Variants in PCNT observed in about 807,000 individuals in gnomAD.
The protein encoded by PCNT is pericentrin, also known as kendrin.
PCNT carries 319 observed loss-of-function variants against 380.4 expected under a neutral mutation model. The observed-to-expected ratio is 0.84, with a 90% CI of 0.77 to 0.92. The LOEUF is 0.92. PCNT is among the 40% of genes least tolerant of loss of function. The probability of loss-of-function intolerance (pLI) is 0.00; values close to 1 mark genes in which losing one functional copy is unlikely to be tolerated. For missense variants in PCNT, 4,400 were observed against 4,255.3 expected (o/e 1.03, Z -0.95); for synonymous variants, 1,845 against 1,735.2 (o/e 1.06, Z -1.57).
rs543592076 is a variant in PCNT, at chr21:46,422,070, T to G, written c.7125T>G (p.Phe2375Leu). The G allele has an allele frequency of 6.2e-7, 1 of 1,613,948 alleles. No individual in the cohort carries two copies. Among genetic ancestry groups the G allele is most frequent in the South Asian group, 1.1e-5 (1 of 91,078 alleles). Residue 2375 changes from phenylalanine to leucine, a missense_variant, in exon 32 of 47, where the codon TTT (phenylalanine) becomes TTG (leucine). Physicochemically the swap from Phe to Leu is conservative, Grantham distance 22. Transcript: ENST00000359568. Reference sequence around the variant, plus strand: ...CCCCTGCTTCCATCTCTGGAAGGTTTCAGCCGCTGCCGGAAGCCATGAAGG... The same window carrying G: ...CCCCTGCTTCCATCTCTGGAAGGTTGCAGCCGCTGCCGGAAGCCATGAAGG... Reference protein sequence around the residue: ...PVTPASISGRFQPLPEAMKEK... With the variant: ...PVTPASISGRLQPLPEAMKEK...
Position 46,349,836 on chromosome 21 carries a change from G to C in PCNT, c.1344+16G>C, listed in dbSNP as rs773538856. 3.7e-6 allele frequency: 6 copies of C among 1,612,678 alleles called. No individual in the cohort carries two copies. The East Asian group carries it at 1.1e-4, about 30-fold the overall frequency. ...ACAGCTGGAGGTGGGCAGCAGCTTC[G>C]TTATTTAATTACTTGGTATATTAGG... On this transcript the variant is annotated intron_variant, in intron 8 of 46. Coordinates refer to ENST00000359568, the MANE Select transcript of PCNT (RefSeq NM_006031.6).
chr21:46,386,090 A>G (rs144271269), intron 17 of PCNT, 107 bp downstream of exon 17: 9 of 1,330,326 alleles, frequency 6.8e-6, no homozygotes, highest in Non-Finnish European at 8.5e-6. Flanking sequence ...TGCTGCCACC[A>G]TGCACGCTGG....
At chr21:46,395,935 A>G (rs577722201) in intron 21 of PCNT, among the ~76,000 whole-genome samples, 1 of 151,676 alleles carries the variant, frequency 6.6e-6, no homozygotes, top group Non-Finnish European at 1.5e-5. Context: ...AATAATAGTA[A>G]TAAAATAGAG....
chr21:46,405,036 C>T (rs1473531198), intron 27 of PCNT, among the ~76,000 whole-genome samples: 4 of 152,092 alleles, frequency 2.6e-5, no homozygotes, highest in South Asian at 2.1e-4. Context: ...CCCAGGAATT[C>T]GAGATCAGCC....
At chr21:46,400,766 C>T (rs951275368) in intron 25 of PCNT, among the ~76,000 whole-genome samples, 6 of 152,122 alleles carry the variant, frequency 3.9e-5, no homozygotes, top group Admixed American at 1.3e-4. Flanking sequence ...GTGATCTGCC[C>T]GCCTTGGCCT....
At chr21:46,350,896 G>A (rs1004062263) in intron 8 of PCNT, among the ~76,000 whole-genome samples, 12 of 152,318 alleles carry the variant, frequency 7.9e-5, no homozygotes, top group Admixed American at 4.6e-4. Context: ...CAGGTGCAGC[G>A]TTGCCCAGGA....
chr21:46,354,983 T>C (rs900063773), intron 11 of PCNT, among the ~76,000 whole-genome samples: 2 of 152,190 alleles, frequency 1.3e-5, no homozygotes, highest in Admixed American at 1.3e-4. Context: ...CCACCAGGCA[T>C]TCGTGTATCA....
rs546030516 is a variant in PCNT, at chr21:46,350,494, A to G, written c.1344+674A>G. Among the ~76,000 whole-genome samples, 44 of 152,352 alleles carry G rather than the reference A, an allele frequency of 2.9e-4. 1 individual carries two copies. The highest frequency in any genetic ancestry group is 3.4e-3 in the Middle Eastern group (1 of 294). On this transcript the variant is annotated intron_variant, in intron 8 of 46. Coordinates refer to ENST00000359568, the MANE Select transcript of PCNT (RefSeq NM_006031.6). ...CTACAATCAAAATGTTGATGTGGCC[A>G]GGTCCTCATTGGAGGCCTGACAAAC...
chr21:46,365,608 T>A (rs2084891657), intron 14 of PCNT, among the ~76,000 whole-genome samples: 2 of 134,384 alleles, frequency 1.5e-5, no homozygotes, highest in African/African-American at 2.7e-5. Context: ...TGGCCTTCTA[T>A]TCACTGCCGT....
rs544341363 is a variant in PCNT, at chr21:46,426,712, C to T, written c.7320+741C>T. Among the ~76,000 whole-genome samples, 34 of 152,350 alleles carry T rather than the reference C, an allele frequency of 2.2e-4. No homozygotes were observed. The East Asian group carries it at 4.8e-3, about 22-fold the overall frequency. The stretch of plus-strand genomic sequence containing the variant: ...TCACCTCTGTGCTGTCGACCCCGCA[C>T]CCCACTTTTCCCCAAGTCCTCCCCA... On this transcript the variant is annotated intron_variant, in intron 33 of 46. Transcript: ENST00000359568.
rs36009124 is a variant in PCNT, at chr21:46,395,678, A to G, written c.4217-1587A>G. On this transcript the variant is annotated intron_variant, in intron 21 of 46. Coordinates refer to ENST00000359568, the MANE Select transcript of PCNT (RefSeq NM_006031.6). The stretch of plus-strand genomic sequence containing the variant: ...TAATAAAATAGAGACTTCAGGATTC[A>G]GCAGCAGACACTCCATCTCAGAAAT... Among the ~76,000 whole-genome samples the G allele has an allele frequency of 3.3e-5, 5 of 151,666 alleles. No individual in the cohort carries two copies. In the South Asian group the frequency reaches 8.4e-4, roughly 25 times the overall value.
intron 24 of PCNT, among the ~76,000 whole-genome samples, chr21:46,399,203 T>C (rs956517081): frequency 2.6e-5 from 4 of 152,264 alleles, no homozygotes; most frequent in African/African-American, 9.6e-5. Context: ...TAACACAACA[T>C]CACCCTATAC....
chr21:46,422,063 G>C lies in PCNT; in HGVS notation c.7118G>C (p.Gly2373Ala), dbSNP rs147670568. The C allele has an allele frequency of 3.1e-6, 5 of 1,613,976 alleles. No homozygotes were observed. The South Asian group carries it at 5.5e-5, about 18-fold the overall frequency. The part of the protein sequence containing the change: ...AGPVTPASIS[G>A]RFQPLPEAMK... ...CCTGTGACCCCTGCTTCCATCTCTG[G>C]AAGGTTTCAGCCGCTGCCGGAAGCC... The change falls in exon 32 of 47, where the codon GGA becomes GCA. Residue 2373 changes from glycine to alanine, a missense_variant. Physicochemically the swap from Gly to Ala is moderately conservative, Grantham distance 60. Transcript: ENST00000359568.
At chr21:46,390,918 A>C (rs533185498) in intron 20 of PCNT, 86 bp downstream of exon 20, 49 of 1,458,860 alleles carry the variant, frequency 3.4e-5, no homozygotes, top group Non-Finnish European at 4.4e-5. Flanking sequence ...CCTTCAGAAT[A>C]GGGTTTTTAA....
At chr21:46,347,569 G>T in intron 6 of PCNT, 57 bp downstream of exon 6, 4 of 1,536,990 alleles carry the variant, frequency 2.6e-6, no homozygotes, top group South Asian at 1.1e-5. Context: ...TTCCTTTCTC[G>T]CCAGGTCCCA....
intron 13 of PCNT, among the ~76,000 whole-genome samples, chr21:46,359,520 C>T (rs1459392604): frequency 1.9e-5 from 1 of 52,200 alleles, no homozygotes; most frequent in Non-Finnish European, 4.8e-5. Flanking sequence ...GACAGTGTCT[C>T]ACTCTATCGC....
chr21:46,393,986 C>T (rs1186186384), intron 21 of PCNT, among the ~76,000 whole-genome samples: 2 of 152,224 alleles, frequency 1.3e-5, no homozygotes, highest in Non-Finnish European at 2.9e-5. Context: ...TTCGCAGGCT[C>T]GGGCCAACTT....
chr21:46,324,649 G>A (rs2083301512), intron 1 of PCNT, among the ~76,000 whole-genome samples: 2 of 151,662 alleles, frequency 1.3e-5, no homozygotes, highest in South Asian at 4.1e-4. Context: ...TGGCGTGGCT[G>A]CACGGAGGGG....
chr21:46,400,479 GAGA>G (rs1409939267), intron 25 of PCNT, among the ~76,000 whole-genome samples: 1 of 145,762 alleles, frequency 6.9e-6, no homozygotes, highest in Non-Finnish European at 1.5e-5. Flanking sequence ...AGACACAGAT[GAGA>G]GGAGGAGTCT....
Sources: allele counts gnomAD v4.1 joint callset (sites outside exome capture counted in the v4.1 genomes callset), GRCh38; gene constraint gnomAD v4.1.1; transcripts MANE v1.5; gene names NCBI Gene and HGNC (gene_info 2026-07-23, HGNC 2026-07-21).